Variants in SPEF2 observed in about 807,000 individuals in gnomAD.
The protein encoded by SPEF2 is sperm flagellar and cilia associated 2.
Under a neutral mutation model 224.6 loss-of-function variants are expected in SPEF2, and 187 were observed. The observed-to-expected ratio is 0.83, with a 90% CI of 0.74 to 0.94. The LOEUF is 0.94. Ranked by LOEUF, SPEF2 falls within the 40% of genes least tolerant of loss-of-function variation. SPEF2 has a pLI of 0.00. For synonymous variants in SPEF2, 715 were observed against 707.3 expected, an observed-to-expected ratio of 1.01 and a Z score of -0.17; for missense variants, 2,170 against 2,135.6, an observed-to-expected ratio of 1.02 and a Z score of -0.32.
In SPEF2 at chr5:35,690,879, A is replaced by G. The variant is rs74630200; in HGVS notation, c.1525-158A>G. Among the ~76,000 whole-genome samples the G allele has an allele frequency of 9.0e-3, 1,363 of 152,194 alleles. 17 individuals are homozygous for G. Among genetic ancestry groups the G allele is most frequent in the African/African-American group, 0.032 (1,326 of 41,526 alleles). ...AGCATTTTTCTGCCCTGTAATATGA[A>G]ACTATTATTAATGTTATTACTCTTT... On this transcript the variant is annotated intron_variant, in intron 10 of 36. Coordinates refer to ENST00000356031, the MANE Select transcript of SPEF2 (RefSeq NM_024867.4).
At chr5:35,785,124 T>C (rs1243057806) in intron 30 of SPEF2, among the ~76,000 whole-genome samples, 2 of 152,212 alleles carry the variant, frequency 1.3e-5, no homozygotes, top group African/African-American at 2.4e-5. Flanking sequence ...AAGGGAATGA[T>C]ATAGAAGAAT....
chr5:35,790,185 A>G lies in SPEF2; in HGVS notation c.4448-2155A>G, dbSNP rs771460212. The G allele has an allele frequency of 7.2e-6, 5 of 698,616 alleles. No individual in the cohort carries two copies. The South Asian group carries it at 7.6e-5, about 11-fold the overall frequency. The allele number at this position is 698,616 out of a possible 1,614,324, so 43.3% of individuals were successfully genotyped here. On this transcript the variant is annotated intron_variant, in intron 30 of 36. Transcript: ENST00000356031. The stretch of plus-strand genomic sequence containing the variant: ...TCAGATGAAATGGACCAAGTCACAT[A>G]TGCATGCAAAAATCAAGGCTGAAAG...
At chr5:35,649,257 T>G in intron 5 of SPEF2, 104 bp from the exon 6 acceptor site, 1 of 920,496 alleles carries the variant, frequency 1.1e-6, no homozygotes, top group Non-Finnish European at 1.6e-6. Context: ...CTAATTACCT[T>G]GAATTAGTAG....
At chr5:35,695,875 T>C in intron 14 of SPEF2, 79 bp downstream of exon 14, 1 of 1,057,646 alleles carries the variant, frequency 9.5e-7, no homozygotes, top group Non-Finnish European at 1.4e-6. Flanking sequence ...TGTCTTCGAA[T>C]GCAATGAAAT....
chr5:35,738,173 A>G (rs996733131), intron 21 of SPEF2, among the ~76,000 whole-genome samples: 8 of 151,858 alleles, frequency 5.3e-5, no homozygotes, highest in African/African-American at 1.9e-4. Flanking sequence ...TTGCCTGTTC[A>G]CTCTGATGTA....
intron 2 of SPEF2, 36 bp from the exon 3 acceptor site, chr5:35,641,395 C>T: frequency 6.4e-7 from 1 of 1,567,152 alleles, no homozygotes; most frequent in Non-Finnish European, 8.6e-7. Context: ...TAATTTAATG[C>T]TAATGTCTAA....
At chr5:35,745,176 T>G (rs1167449771) in intron 23 of SPEF2, among the ~76,000 whole-genome samples, 1 of 152,186 alleles carries the variant, frequency 6.6e-6, no homozygotes, top group Non-Finnish European at 1.5e-5. Flanking sequence ...GGGAGCTCGC[T>G]GGGTGCCCAA....
At chr5:35,798,479 C>T (rs1225697760) in intron 33 of SPEF2, among the ~76,000 whole-genome samples, 1 of 152,184 alleles carries the variant, frequency 6.6e-6, no homozygotes, top group Non-Finnish European at 1.5e-5. Flanking sequence ...CCCTCCTCCA[C>T]GTCATTGGTC....
At chr5:35,662,016 T>G (rs1326633469) in intron 8 of SPEF2, among the ~76,000 whole-genome samples, 1 of 152,186 alleles carries the variant, frequency 6.6e-6, no homozygotes, top group Non-Finnish European at 1.5e-5. Context: ...TCCTCCACAA[T>G]GGTTGAACTA....
intron 20 of SPEF2, among the ~76,000 whole-genome samples, chr5:35,721,598 C>T (rs529437909): frequency 1.3e-5 from 2 of 152,292 alleles, no homozygotes; most frequent in African/African-American, 4.8e-5. Context: ...GCTGTTTTTA[C>T]TTCTTAAAGA....
At chr5:35,671,517 T>TTTA (rs1751214993) in intron 10 of SPEF2, 24 of 983,220 alleles carry the variant, frequency 2.4e-5, no homozygotes, top group Non-Finnish European at 2.7e-5. Flanking sequence ...TTTGACAGTA[T>TTTA]CAACCTGTGT....
chr5:35,808,840 C>T (rs1291121750), intron 36 of SPEF2, among the ~76,000 whole-genome samples: 1 of 145,178 alleles, frequency 6.9e-6, no homozygotes, highest in Non-Finnish European at 1.5e-5. Context: ...GTAACATATA[C>T]ATATATTTTT....
intron 23 of SPEF2, among the ~76,000 whole-genome samples, chr5:35,747,323 A>T (rs559839640): frequency 6.6e-6 from 1 of 152,334 alleles, no homozygotes; most frequent in African/African-American, 2.4e-5. Context: ...GATGAATGCA[A>T]TGGTACCTCA....
At chr5:35,713,308 C>A (rs74955177) in intron 20 of SPEF2, among the ~76,000 whole-genome samples, 11,474 of 152,106 alleles carry the variant, frequency 0.075, 952 homozygotes, top group East Asian at 0.39. Flanking sequence ...AAGAAAGGAG[C>A]CTTGGTACAA....
chr5:35,706,683 C>G (rs1046118294), intron 18 of SPEF2, among the ~76,000 whole-genome samples: 13 of 152,054 alleles, frequency 8.5e-5, no homozygotes, highest in African/African-American at 2.9e-4. Flanking sequence ...TGACCTAACT[C>G]CCATAATGTA....
At chr5:35,726,932 G>A (rs898551014) in intron 20 of SPEF2, among the ~76,000 whole-genome samples, 11 of 151,870 alleles carry the variant, frequency 7.2e-5, no homozygotes, top group African/African-American at 2.2e-4. Flanking sequence ...TGTCCTTTTC[G>A]GATTCTGAAT....
intron 19 of SPEF2, chr5:35,710,314 T>G (rs1028233987): frequency 2.1e-6 from 2 of 936,340 alleles, no homozygotes; most frequent in African/African-American, 3.6e-5. Context: ...TCCCAGCACT[T>G]TGGGAGGCTG....
chr5:35,744,814 T>C (rs932262436), intron 23 of SPEF2, among the ~76,000 whole-genome samples: 3 of 152,034 alleles, frequency 2.0e-5, no homozygotes, highest in Admixed American at 2.0e-4. Context: ...CAGGACTAGA[T>C]TGCAGCTCTG....
intron 1 of SPEF2, among the ~76,000 whole-genome samples, chr5:35,626,037 C>T (rs764375792): frequency 1.3e-5 from 2 of 152,106 alleles, no homozygotes; most frequent in African/African-American, 2.4e-5. Flanking sequence ...GCGTTAAAGT[C>T]GGAAAAAATC....
Sources: gnomAD v4.1 joint callset for allele counts (sites outside exome capture counted in the v4.1 genomes callset) on GRCh38, gnomAD v4.1.1 for gene constraint, MANE v1.5 for transcripts, NCBI Gene and HGNC (gene_info 2026-07-23, HGNC 2026-07-21) for gene names.